SSR2: variants seen among roughly 807,000 people sequenced by gnomAD.
The protein encoded by SSR2 is translocon-associated protein subunit beta.
A neutral mutation model predicts 22.6 loss-of-function variants in SSR2; 16 were observed. That is an observed-to-expected ratio of 0.71 (90% CI 0.48 to 1.08). The LOEUF is 1.08. Among genes scored for constraint, SSR2 ranks in the 50% least tolerant of loss-of-function variants. SSR2 has a pLI of 0.00. For missense variants in SSR2, 171 were observed against 221.6 expected, an observed-to-expected ratio of 0.77 and a Z score of 1.45; for synonymous variants, 83 against 91.2, an observed-to-expected ratio of 0.91 and a Z score of 0.51.
At chr1:156,011,023 G>GT (rs1682971216) in intron 5 of SSR2, 1 of 151,650 alleles carries the variant, frequency 6.6e-6, no homozygotes, top group South Asian at 2.1e-4. Flanking sequence ...GGCAGCTAGA[G>GT]TGCAGTGGCT....
intron 2 of SSR2, among the ~76,000 whole-genome samples, chr1:156,019,487 C>A (rs1027512475): frequency 3.3e-5 from 5 of 151,962 alleles, no homozygotes; most frequent in Non-Finnish European, 1.5e-5. Flanking sequence ...CGGGTTCAAG[C>A]GATTCTTTTG....
chr1:156,010,659 C>G (rs1682966347), intron 5 of SSR2: 1 of 152,296 alleles, frequency 6.6e-6, no homozygotes, highest in Non-Finnish European at 1.5e-5. Context: ...AGAGAAGCTT[C>G]TGTTCCAGAC....
At chr1:156,015,794 T>C (rs1256410519) in intron 3 of SSR2, among the ~76,000 whole-genome samples, 2 of 151,688 alleles carry the variant, frequency 1.3e-5, no homozygotes, top group African/African-American at 2.4e-5. Flanking sequence ...GGTCCCATGT[T>C]ATACTCAGTG....
intron 2 of SSR2, among the ~76,000 whole-genome samples, chr1:156,018,653 G>A (rs1221437373): frequency 3.3e-5 from 5 of 151,012 alleles, no homozygotes; most frequent in African/African-American, 1.2e-4. Context: ...AGGTTGCAGT[G>A]AGCCAAGATC....
At chr1:156,015,478 C>G (rs1683037856) in intron 3 of SSR2, among the ~76,000 whole-genome samples, 2 of 114,046 alleles carry the variant, frequency 1.8e-5, no homozygotes, top group South Asian at 6.0e-4. Flanking sequence ...TGTACTCCAG[C>G]CTGGGTAACA....
At chr1:156,017,772 A>C in intron 3 of SSR2, among the ~76,000 whole-genome samples, 2 of 22,188 alleles carry the variant, frequency 9.0e-5, no homozygotes, top group Non-Finnish European at 1.6e-4. Flanking sequence ...TTTTTTTGAC[A>C]CAGAGTCTCA....
chr1:156,020,799 C>G (rs1182153842), intron 1 of SSR2, 89 bp downstream of exon 1: 1 of 442,202 alleles, frequency 2.3e-6, no homozygotes, highest in Non-Finnish European at 4.9e-6. Flanking sequence ...CCTTCCCGCC[C>G]TCCCCTAGCT....
chr1:156,011,580 T>C (rs974216992), intron 5 of SSR2: 4 of 353,550 alleles, frequency 1.1e-5, no homozygotes, highest in Non-Finnish European at 2.1e-5. Flanking sequence ...TACTCAAAGA[T>C]GGGACTCTAC....
chr1:156,009,868 G>T (rs909639803), intron 5 of SSR2, among the ~76,000 whole-genome samples: 1 of 152,172 alleles, frequency 6.6e-6, no homozygotes, highest in Admixed American at 6.5e-5. Flanking sequence ...CCGCCTCCAG[G>T]GTTCAAATGA....
At chr1:156,020,708 G>C (rs1258285038) in intron 1 of SSR2, 180 bp downstream of exon 1, 3 of 353,044 alleles carry the variant, frequency 8.5e-6, no homozygotes. Context: ...CCACGGGCGG[G>C]GGGGCGGGGG....
chr1:156,018,933 G>T (rs1683104661), intron 2 of SSR2, among the ~76,000 whole-genome samples: 1 of 152,152 alleles, frequency 6.6e-6, no homozygotes, highest in South Asian at 2.1e-4. Context: ...TACTCGGGAG[G>T]CTGAGGCAGG....
chr1:156,012,409 G>A, intron 4 of SSR2: 1 of 395,536 alleles, frequency 2.5e-6, no homozygotes, highest in Non-Finnish European at 5.1e-6. Context: ...TTAGAGGAGG[G>A]GTTGAGTCTG....
chr1:156,016,111 A>G (rs1572257523), intron 3 of SSR2, among the ~76,000 whole-genome samples: 2 of 152,104 alleles, frequency 1.3e-5, no homozygotes, highest in Admixed American at 1.3e-4. Flanking sequence ...AGATTGCACC[A>G]TTGCACTCAA....
chr1:156,015,267 A>T (rs1313847137), intron 3 of SSR2, among the ~76,000 whole-genome samples, 198 bp from the exon 4 acceptor site: 1 of 151,834 alleles, frequency 6.6e-6, no homozygotes, highest in African/African-American at 2.4e-5. Flanking sequence ...GCACTTTGGG[A>T]GGCCGAGGCG....
intron 3 of SSR2, among the ~76,000 whole-genome samples, chr1:156,016,931 C>G (rs905451165): frequency 1.3e-5 from 2 of 152,210 alleles, no homozygotes; most frequent in African/African-American, 4.8e-5. Flanking sequence ...TGAGGCATCC[C>G]CAGCCATGCT....
intron 4 of SSR2, chr1:156,014,002 C>A (rs1683017697): frequency 6.6e-6 from 1 of 152,218 alleles, no homozygotes; most frequent in Non-Finnish European, 1.5e-5. Context: ...TTCCTTAGGA[C>A]AATACCAAGT....
Position 156,009,608 on chromosome 1 carries a change from C to T in SSR2, c.484G>A (p.Gly162Ser), listed in dbSNP as rs756409316. The T allele has an allele frequency of 1.7e-5, 27 of 1,612,798 alleles. No homozygotes were observed. In the East Asian group the frequency reaches 2.9e-4, roughly 17 times the overall value. Residue 162 changes from glycine to serine, a missense_variant, in exon 6 of 6, where the codon GGC becomes AGC. Transcript: ENST00000295702. ...AFGVMTLPSI[G>S]IPLLLWYSSK... ...GAGTACCACAATAGCAGGGGGATGC[C>T]GATGGAGGGAAGGGTCATGACCCCA...
chr1:156,012,127 C>T (rs1367028421), intron 4 of SSR2: 2 of 415,002 alleles, frequency 4.8e-6, no homozygotes, highest in Non-Finnish European at 8.9e-6. Flanking sequence ...AGAAATACCC[C>T]ATGGAGAACA....
intron 2 of SSR2, among the ~76,000 whole-genome samples, chr1:156,018,623 G>A (rs1683097726): frequency 6.8e-6 from 1 of 146,700 alleles, no homozygotes; most frequent in Non-Finnish European, 1.5e-5. Flanking sequence ...CAGGAGAACT[G>A]CTTGAACCCT....
Sources: gnomAD v4.1 joint callset for allele counts (sites outside exome capture counted in the v4.1 genomes callset) on GRCh38, gnomAD v4.1.1 for gene constraint, MANE v1.5 for transcripts, NCBI Gene and HGNC (gene_info 2026-07-23, HGNC 2026-07-21) for gene names.